NSD3: variants seen among roughly 807,000 people sequenced by gnomAD.
The protein encoded by NSD3 is nuclear receptor binding SET domain protein 3, also known as histone-lysine N-methyltransferase NSD3.
A neutral mutation model predicts 160.8 loss-of-function variants in NSD3; 24 were observed. That is an observed-to-expected ratio of 0.15 (90% CI 0.11 to 0.21). The LOEUF (loss-of-function observed/expected upper bound fraction) is 0.21, where lower values mean the gene tolerates loss of function less well. Ranked by LOEUF, NSD3 falls within the 10% of genes least tolerant of loss-of-function variation. NSD3 has a pLI of 1.00. For missense variants in NSD3, 1,157 were observed against 1,735.9 expected (o/e 0.67, Z 5.93); for synonymous variants, 520 against 600.0 (o/e 0.87, Z 1.95).
intron 4 of NSD3, chr8:38,335,890 A>G (rs1382047372): frequency 6.6e-6 from 1 of 152,254 alleles, no homozygotes; most frequent in Non-Finnish European, 1.5e-5. Flanking sequence ...AGAACTACTG[A>G]ACACAGGACC....
intron 2 of NSD3, among the ~76,000 whole-genome samples, chr8:38,341,833 C>T (rs980720070): frequency 1.3e-5 from 2 of 151,928 alleles, no homozygotes; most frequent in African/African-American, 4.8e-5. Context: ...ATACTCCCAG[C>T]TACTCGGGAG....
Position 38,290,659 on chromosome 8 carries a change from G to A in NSD3, c.2934C>T (p.Ile978=). The change falls in exon 17 of 24, where the codon ATC becomes ATT. Residue 978 remains isoleucine (I), a synonymous_variant. Transcript: ENST00000317025. ...LGNYRWWPAE[I]CNPRSVPLNI... is the part of the protein sequence containing the mutation. ...TCAGTGGCACAGACCTGGGGTTGCA[G>A]ATCTCTGCTGGCCACCATCTGAAAA... The A allele has an allele frequency of 6.2e-7, 1 of 1,613,794 alleles. No individual in the cohort carries two copies. The highest frequency in any genetic ancestry group is 8.5e-7 in the Non-Finnish European group (1 of 1,179,856).
chr8:38,282,075 GTAACA>G (rs1808744917), intron 19 of NSD3, among the ~76,000 whole-genome samples: 1 of 152,138 alleles, frequency 6.6e-6, no homozygotes, highest in East Asian at 1.9e-4. Flanking sequence ...TTCCCCAGTG[GTAACA>G]TCTGACATAA....
chr8:38,327,802 A>G (rs923830708), intron 6 of NSD3, among the ~76,000 whole-genome samples: 3 of 152,226 alleles, frequency 2.0e-5, no homozygotes, highest in African/African-American at 7.2e-5. Flanking sequence ...ATGTGACCCA[A>G]TAAGTAATCC....
intron 19 of NSD3, among the ~76,000 whole-genome samples, chr8:38,285,507 C>T (rs1808837037): frequency 6.6e-6 from 1 of 152,228 alleles, no homozygotes; most frequent in South Asian, 2.1e-4. Context: ...AATTGTCTTA[C>T]ATCAGCAAAC....
At position 38,288,128 on chromosome 8, in the gene NSD3, G is replaced by C. The variant is rs1808910112; in HGVS notation, c.3501+359C>G. ...GCCCAGGAGTTCAAGGCTTGAGTGA[G>C]CTATGAACACGCCACTGTATTCCAG... On this transcript the variant is annotated intron_variant, in intron 19 of 23. Coordinates refer to ENST00000317025, the MANE Select transcript of NSD3 (RefSeq NM_023034.2). This position sits in a 1 kb window ranked among gnomAD's most constrained non-coding sequence, Gnocchi z 4.5. 6.6e-6 allele frequency among the ~76,000 whole-genome samples: 1 copy of C among 152,046 alleles called. No individual in the cohort carries two copies. The highest frequency in any genetic ancestry group is 1.5e-5 in the Non-Finnish European group (1 of 68,016).
chr8:38,326,566 C>G (rs2150374068), intron 7 of NSD3, among the ~76,000 whole-genome samples, 164 bp downstream of exon 7: 2 of 152,278 alleles, frequency 1.3e-5, no homozygotes, highest in Middle Eastern at 6.8e-3. Flanking sequence ...TCTCTAGCCC[C>G]TAACCCACTT....
intron 1 of NSD3, among the ~76,000 whole-genome samples, chr8:38,348,974 C>A (rs1810602457): frequency 6.6e-6 from 1 of 151,924 alleles, no homozygotes; most frequent in Non-Finnish European, 1.5e-5. Context: ...ATATTTTAAA[C>A]ACCAAAGTGA....
chr8:38,281,939 G>C (rs1808742283), intron 19 of NSD3, among the ~76,000 whole-genome samples: 1 of 152,158 alleles, frequency 6.6e-6, no homozygotes. Flanking sequence ...GTGAGACCTG[G>C]AAGAGATCTG....
chr8:38,338,127 C>T (rs754292291), intron 3 of NSD3, among the ~76,000 whole-genome samples: 1 of 151,938 alleles, frequency 6.6e-6, no homozygotes, highest in African/African-American at 2.4e-5. Context: ...CAGTGAAACC[C>T]CGTCTCTACT....
In NSD3 at chr8:38,331,440, C is replaced by T. The variant is rs1279968913; in HGVS notation, c.1056G>A (p.Glu352=). Residue 352 remains glutamate (E), a synonymous_variant, in exon 5 of 24, where the codon GAG becomes GAA. Transcript: ENST00000317025. ...EATKQASNHS[E]KQKIRKPRPQ... is the part of the protein sequence containing the mutation. ...TTAACATGTTAGTTACCTTTTGTTT[C>T]TCAGAGTGATTGCTGGCTTGTTTGG... is the stretch of plus-strand genomic sequence containing the variant. 6 of 1,600,876 alleles carry T rather than the reference C, an allele frequency of 3.7e-6. No homozygotes were observed. The African/African-American group carries it at 8.1e-5, about 22-fold the overall frequency.
intron 2 of NSD3, among the ~76,000 whole-genome samples, chr8:38,345,046 T>C (rs949337674): frequency 3.9e-5 from 6 of 152,168 alleles, no homozygotes; most frequent in Non-Finnish European, 5.9e-5. Flanking sequence ...ACATTAACGA[T>C]AGGCAAGAGC....
rs576858820 is a variant in NSD3 at position 38,377,415 on chromosome 8, C to G, written c.-45+4384G>C. Among the ~76,000 whole-genome samples the G allele has an allele frequency of 9.2e-5, 14 of 152,294 alleles. No individual in the cohort carries two copies. The South Asian group carries it at 1.2e-3, about 14-fold the overall frequency. On this transcript the variant is annotated intron_variant, in intron 1 of 23. Coordinates refer to ENST00000317025, the MANE Select transcript of NSD3 (RefSeq NM_023034.2). ...TCAGGCTAGAGTGCGGTGGCGCAAT[C>G]TCAGCTTACTGCGGCTTTCCCCCTC...
At chr8:38,338,411 C>T in intron 3 of NSD3, 125 bp downstream of exon 3, 1 of 763,040 alleles carries the variant, frequency 1.3e-6, no homozygotes, top group Non-Finnish European at 2.2e-6. Flanking sequence ...AGCTCCAAGA[C>T]TTATTTCAAT....
At chr8:38,378,370 G>A (rs1413779512) in intron 1 of NSD3, among the ~76,000 whole-genome samples, 1 of 152,168 alleles carries the variant, frequency 6.6e-6, no homozygotes, top group Admixed American at 6.5e-5. Flanking sequence ...GGCCGGGCAC[G>A]GTGGCTCACG....
rs1037708553 is a variant in NSD3, at chr8:38,319,793, T to TA, written c.1810-854dup. 4 of 152,186 alleles carry TA rather than the reference T, an allele frequency of 2.6e-5. No homozygotes were observed. In the South Asian group the frequency reaches 6.2e-4, roughly 24 times the overall value. The allele number at this position is 152,186 out of a possible 1,614,324, so 9.4% of individuals were successfully genotyped here. ...AAAATTTTATTTTTTTTACAACAGG[T>TA]AAAAAAACATACAACAGAAACGCTT... On this transcript the variant is annotated intron_variant, in intron 8 of 23. Transcript: ENST00000317025. The surrounding 1 kb of genome is among the most constrained non-coding windows in gnomAD (Gnocchi z 4.1).
At position 38,352,756 on chromosome 8, in the gene NSD3, C is replaced by T. The variant is rs545944138; in HGVS notation, c.-44-4541G>A. 4.6e-5 allele frequency among the ~76,000 whole-genome samples: 7 copies of T among 152,096 alleles called. No individual in the cohort carries two copies. The South Asian group carries it at 1.2e-3, about 27-fold the overall frequency. On this transcript the variant is annotated intron_variant, in intron 1 of 23. Coordinates refer to ENST00000317025, the MANE Select transcript of NSD3 (RefSeq NM_023034.2). ...CCAAGTAGCTGGGACTACAGGCATG[C>T]GCCACACCTGGCTAATTTTTTGTAT...
chr8:38,290,699 G>A lies in NSD3; in HGVS notation c.2916-22C>T, dbSNP rs766098932. ...CCATCTGAAAACAAAAGCAATTTTA[G>A]ATCAAGAGGGCAAAAACGAAACAAA... On this transcript the variant is annotated intron_variant, in intron 16 of 23. Coordinates refer to ENST00000317025, the MANE Select transcript of NSD3 (RefSeq NM_023034.2). 1.6e-5 allele frequency: 25 copies of A among 1,610,342 alleles called. No individual in the cohort carries two copies. The South Asian group carries it at 2.6e-4, about 17-fold the overall frequency.
intron 1 of NSD3, among the ~76,000 whole-genome samples, chr8:38,349,691 ATGTATT>A (rs1342573822): frequency 1.0e-5 from 1 of 99,088 alleles, no homozygotes; most frequent in African/African-American, 3.7e-5. Flanking sequence ...ATATATATAT[ATGTATT>A]TATTATACTT....
Sources: gnomAD v4.1 joint callset for allele counts (sites outside exome capture counted in the v4.1 genomes callset) on GRCh38, gnomAD v4.1.1 for gene constraint, Gnocchi (gnomAD v3.1) non-coding constraint, MANE v1.5 for transcripts, NCBI Gene and HGNC (gene_info 2026-07-23, HGNC 2026-07-21) for gene names.